Variants in CEP112 observed in about 807,000 individuals in gnomAD.
CEP112 encodes centrosomal protein 112, also known as centrosomal protein of 112 kDa.
CEP112 carries 127 observed loss-of-function variants against 153.0 expected under a neutral mutation model. The ratio of observed to expected loss-of-function variants is 0.83; its 90% CI spans 0.72 to 0.96. The LOEUF (loss-of-function observed/expected upper bound fraction) is 0.96. Ranked by LOEUF, CEP112 falls within the 40% of genes least tolerant of loss-of-function variation. The probability of loss-of-function intolerance (pLI) is 0.00; values close to 1 mark genes in which losing one functional copy is unlikely to be tolerated. For synonymous variants in CEP112, 358 were observed against 374.4 expected, an observed-to-expected ratio of 0.96 and a Z score of 0.51; for missense variants, 1,089 against 1,101.2, an observed-to-expected ratio of 0.99 and a Z score of 0.16.
chr17:65,907,328 A>G (rs2060121559), intron 19 of CEP112, among the ~76,000 whole-genome samples: 1 of 152,220 alleles, frequency 6.6e-6, no homozygotes, highest in African/African-American at 2.4e-5. Flanking sequence ...AAAAGGAAAT[A>G]GCGGTTATCA....
At chr17:65,979,714 A>G (rs2063161418) in intron 17 of CEP112, among the ~76,000 whole-genome samples, 1 of 152,210 alleles carries the variant, frequency 6.6e-6, no homozygotes, top group Non-Finnish European at 1.5e-5. Context: ...TTCCAGTTAC[A>G]AGAAAAGCAA....
intron 21 of CEP112, among the ~76,000 whole-genome samples, chr17:65,812,874 T>TTATA (rs1304340981): frequency 1.3e-5 from 2 of 152,148 alleles, no homozygotes; most frequent in African/African-American, 2.4e-5. Flanking sequence ...ACTTTAGAGT[T>TTATA]TATATAGAAT....
intron 24 of CEP112, among the ~76,000 whole-genome samples, chr17:65,684,293 C>A (rs973326643): frequency 1.3e-5 from 2 of 152,176 alleles, no homozygotes; most frequent in Non-Finnish European, 2.9e-5. Flanking sequence ...ATTAGAACAT[C>A]TCTAAAGTAT....
chr17:66,030,208 C>T (rs1330056604), intron 12 of CEP112, among the ~76,000 whole-genome samples, 185 bp from the exon 13 acceptor site: 1 of 152,086 alleles, frequency 6.6e-6, no homozygotes, highest in Non-Finnish European at 1.5e-5. Context: ...ATGCATACTA[C>T]CAGAAAAATA....
At chr17:65,652,594 T>C (rs915603144) in intron 24 of CEP112, among the ~76,000 whole-genome samples, 1 of 152,152 alleles carries the variant, frequency 6.6e-6, no homozygotes, top group Non-Finnish European at 1.5e-5. Context: ...ACATTAGAAA[T>C]CCTTATAGCA....
intron 24 of CEP112, among the ~76,000 whole-genome samples, chr17:65,656,649 A>G (rs2046077046): frequency 6.6e-6 from 1 of 152,198 alleles, no homozygotes; most frequent in Non-Finnish European, 1.5e-5. Flanking sequence ...GAGACCTTAT[A>G]GCTCACAAAG....
chr17:65,741,894 T>C (rs1329031538), intron 23 of CEP112, among the ~76,000 whole-genome samples: 1 of 152,020 alleles, frequency 6.6e-6, no homozygotes, highest in Non-Finnish European at 1.5e-5. Context: ...TTGAAAGATG[T>C]TTTTAAACCA....
At chr17:65,959,173 T>C (rs538595067) in intron 18 of CEP112, among the ~76,000 whole-genome samples, 1 of 152,006 alleles carries the variant, frequency 6.6e-6, no homozygotes, top group South Asian at 2.1e-4. Context: ...GAGGAGGACC[T>C]GCCTACAGAG....
chr17:65,717,173 C>A (rs115997202), intron 23 of CEP112, among the ~76,000 whole-genome samples: 1,602 of 152,268 alleles, frequency 0.011, 27 homozygotes, highest in African/African-American at 0.036. Context: ...CTAAATAAAT[C>A]TGTATATTTC....
intron 21 of CEP112, among the ~76,000 whole-genome samples, chr17:65,753,420 G>T (rs2052013142): frequency 6.6e-6 from 1 of 152,032 alleles, no homozygotes; most frequent in East Asian, 1.9e-4. Flanking sequence ...TTTTTTTACG[G>T]ACTTAAGTTC....
intron 6 of CEP112, among the ~76,000 whole-genome samples, chr17:66,124,487 C>T (rs1379573786): frequency 6.6e-6 from 1 of 152,134 alleles, no homozygotes; most frequent in Non-Finnish European, 1.5e-5. Flanking sequence ...TCCAGCCAAA[C>T]AGATGGGCGC....
chr17:66,063,362 C>G (rs921463446), intron 10 of CEP112, among the ~76,000 whole-genome samples: 1 of 152,132 alleles, frequency 6.6e-6, no homozygotes, highest in East Asian at 1.9e-4. Flanking sequence ...TTGAGGAAAT[C>G]TTTCACCATT....
rs2059908476 is a variant in CEP112, at chr17:65,902,459, C to A, written c.1981-125G>T. 7 of 630,866 alleles carry A rather than the reference C, an allele frequency of 1.1e-5. No homozygotes were observed. The East Asian group carries it at 2.1e-4, about 19-fold the overall frequency. 39.1% of individuals were successfully genotyped at this position (630,866 alleles called of 1,614,324 possible). On this transcript the variant is annotated intron_variant, in intron 19 of 26. Coordinates refer to ENST00000535342, the MANE Select transcript of CEP112 (RefSeq NM_001199165.4). ...AATTTTTATTTTTACATCATTATTA[C>A]CTCACCCTCGAAATACTCTCATTTG...
intron 18 of CEP112, among the ~76,000 whole-genome samples, chr17:65,957,415 C>T (rs2062038648): frequency 1.3e-5 from 2 of 152,034 alleles, no homozygotes; most frequent in Admixed American, 6.5e-5. Context: ...TTTCATATTT[C>T]GATTGAGTAC....
At chr17:65,807,735 A>G (rs980527946) in intron 21 of CEP112, among the ~76,000 whole-genome samples, 13 of 152,230 alleles carry the variant, frequency 8.5e-5, no homozygotes, top group Non-Finnish European at 1.5e-4. Context: ...GTGTGCACAG[A>G]AGGCAAAAGT....
chr17:65,672,125 A>G (rs921040202), intron 24 of CEP112, among the ~76,000 whole-genome samples: 4 of 152,378 alleles, frequency 2.6e-5, no homozygotes, highest in Non-Finnish European at 4.4e-5. Flanking sequence ...CCTAAATACC[A>G]GAATTATCCA....
At chr17:66,067,629 C>A (rs1212395507) in intron 9 of CEP112, among the ~76,000 whole-genome samples, 6 of 151,926 alleles carry the variant, frequency 3.9e-5, no homozygotes, top group East Asian at 3.9e-4. Flanking sequence ...GGTTTCCCCC[C>A]AAACTGTAAA....
chr17:65,821,536 ATATATTTTTTTTTTTTTT>A (rs1489493841), intron 21 of CEP112, among the ~76,000 whole-genome samples: 4 of 36,078 alleles, frequency 1.1e-4, no homozygotes, highest in Admixed American at 4.3e-4. Context: ...ATATATATAT[ATATATTTTTTTTTTTTTT>A]TTTTTTTTTT....
chr17:65,818,169 G>T (rs906773988), intron 21 of CEP112, among the ~76,000 whole-genome samples: 1 of 151,806 alleles, frequency 6.6e-6, no homozygotes, highest in Non-Finnish European at 1.5e-5. Context: ...AGATATCAAT[G>T]TGACTTACAG....
Sources: gnomAD v4.1 joint callset for allele counts (sites outside exome capture counted in the v4.1 genomes callset) on GRCh38, gnomAD v4.1.1 for gene constraint, MANE v1.5 for transcripts, NCBI Gene and HGNC (gene_info 2026-07-23, HGNC 2026-07-21) for gene names.